Variants in TULP4 observed in about 807,000 individuals in gnomAD.
TULP4 encodes the protein TUB like protein 4, also known as tubby-related protein 4.
TULP4 carries 16 observed loss-of-function variants against 129.0 expected under a neutral mutation model. The observed-to-expected ratio is 0.12, with a 90% CI of 0.08 to 0.19. The LOEUF is 0.19. Ranked by LOEUF, TULP4 falls within the 10% of genes least tolerant of loss-of-function variation. The pLI, the probability that TULP4 is intolerant of heterozygous loss-of-function variation, is 1.00. For synonymous variants in TULP4, 998 were observed against 854.0 expected, an observed-to-expected ratio of 1.17 and a Z score of -2.94; for missense variants, 1,842 against 2,059.1, an observed-to-expected ratio of 0.89 and a Z score of 2.04.
chr6:158,379,575 G>A (rs956869223), intron 1 of TULP4, among the ~76,000 whole-genome samples: 1 of 152,204 alleles, frequency 6.6e-6, no homozygotes, highest in Non-Finnish European at 1.5e-5. Context: ...GTTTAGCCTT[G>A]TGGTTGATCT....
intron 9 of TULP4, among the ~76,000 whole-genome samples, chr6:158,491,397 C>A (rs1780195591): frequency 4.3e-5 from 1 of 23,038 alleles, no homozygotes; most frequent in African/African-American, 1.8e-4. Flanking sequence ...AGAGTTCTTT[C>A]TTTCTTTCTT....
At chr6:158,370,675 A>G (rs780899300) in intron 1 of TULP4, among the ~76,000 whole-genome samples, 27 of 152,302 alleles carry the variant, frequency 1.8e-4, no homozygotes, top group Non-Finnish European at 2.8e-4. Flanking sequence ...TATGAACTGC[A>G]TATGGAAGAT....
chr6:158,416,363 G>GT (rs1778207934), intron 2 of TULP4, among the ~76,000 whole-genome samples: 1 of 152,188 alleles, frequency 6.6e-6, no homozygotes, highest in Non-Finnish European at 1.5e-5. Context: ...GTGGGACAAG[G>GT]TGTGGAGGCA....
intron 6 of TULP4, among the ~76,000 whole-genome samples, chr6:158,463,098 T>A (rs945803465): frequency 6.6e-6 from 1 of 152,162 alleles, no homozygotes. Context: ...AAAATAACCA[T>A]CTCGAAATTA....
intron 1 of TULP4, among the ~76,000 whole-genome samples, chr6:158,383,209 G>T (rs975987059): frequency 6.6e-6 from 1 of 152,156 alleles, no homozygotes; most frequent in Non-Finnish European, 1.5e-5. Context: ...TCAGACTGGG[G>T]TGCTTCTCAC....
chr6:158,395,630 C>T (rs1253689335), intron 1 of TULP4, among the ~76,000 whole-genome samples: 1 of 119,682 alleles, frequency 8.4e-6, no homozygotes, highest in African/African-American at 3.3e-5. Flanking sequence ...AGTCATAGTC[C>T]TCCATGTAGC....
chr6:158,353,124 G>T (rs1396416609), intron 1 of TULP4, among the ~76,000 whole-genome samples: 2 of 152,202 alleles, frequency 1.3e-5, no homozygotes, highest in Non-Finnish European at 1.5e-5. Context: ...TATGTAGCAT[G>T]GCTGTCCCCA....
intron 1 of TULP4, among the ~76,000 whole-genome samples, chr6:158,245,578 G>A (rs9364876): frequency 0.15 from 23,158 of 152,042 alleles, 2,455 homozygotes; most frequent in East Asian, 0.43. Flanking sequence ...TACCCAGAAA[G>A]TCCACATTTA....
chr6:158,267,445 A>C (rs541894456), intron 1 of TULP4, among the ~76,000 whole-genome samples: 1 of 152,306 alleles, frequency 6.6e-6, no homozygotes, highest in Non-Finnish European at 1.5e-5. Flanking sequence ...GAGTAACCAA[A>C]GGAGGTTGTC....
At chr6:158,236,790 C>CTTTTTTTTTTTTTTTTTTTTT (rs1562489169) in intron 1 of TULP4, among the ~76,000 whole-genome samples, 3 of 33,116 alleles carry the variant, frequency 9.1e-5, no homozygotes. Context: ...ATGCCCAATT[C>CTTTTTTTTTTTTTTTTTTTTT]TTTTCTTTTT....
chr6:158,338,134 CTT>C (rs1328126064), intron 1 of TULP4, among the ~76,000 whole-genome samples: 1 of 152,100 alleles, frequency 6.6e-6, no homozygotes, highest in East Asian at 1.9e-4. Flanking sequence ...ACAAGTCACA[CTT>C]TATGTATTTA....
At chr6:158,457,734 T>C (rs1266210860) in intron 5 of TULP4, among the ~76,000 whole-genome samples, 1 of 152,198 alleles carries the variant, frequency 6.6e-6, no homozygotes, top group Non-Finnish European at 1.5e-5. Flanking sequence ...TTTTTTGTTT[T>C]GCAGAATTTT....
At chr6:158,339,723 C>T (rs1160507148) in intron 1 of TULP4, among the ~76,000 whole-genome samples, 1 of 152,186 alleles carries the variant, frequency 6.6e-6, no homozygotes, top group African/African-American at 2.4e-5. Context: ...TTAAGGTTAT[C>T]TCCCTTGTTC....
At chr6:158,371,335 C>T (rs1338134189) in intron 1 of TULP4, among the ~76,000 whole-genome samples, 3 of 152,190 alleles carry the variant, frequency 2.0e-5, no homozygotes, top group African/African-American at 7.2e-5. Context: ...CTGGCTTGAG[C>T]CACAGCTGAA....
intron 1 of TULP4, among the ~76,000 whole-genome samples, chr6:158,407,061 TTGAA>T (rs1273698118): frequency 2.6e-5 from 4 of 152,354 alleles, no homozygotes; most frequent in Admixed American, 1.3e-4. Flanking sequence ...TGAATTGTGT[TTGAA>T]TGAGAACTGG....
chr6:158,335,063 G>A (rs1780001197), intron 1 of TULP4, among the ~76,000 whole-genome samples: 1 of 152,124 alleles, frequency 6.6e-6, no homozygotes, highest in Non-Finnish European at 1.5e-5. Context: ...GGATCACAAG[G>A]TCAGGAGTTC....
chr6:158,298,827 TCTG>T (rs1779084082), intron 1 of TULP4, among the ~76,000 whole-genome samples: 1 of 152,156 alleles, frequency 6.6e-6, no homozygotes, highest in African/African-American at 2.4e-5. Flanking sequence ...TGCCCAATGT[TCTG>T]CGCCACAAAG....
At chr6:158,343,507 G>A (rs76841541) in intron 1 of TULP4, among the ~76,000 whole-genome samples, 5,253 of 152,186 alleles carry the variant, frequency 0.035, 105 homozygotes, top group Non-Finnish European at 0.041. Flanking sequence ...GGGTCATGAG[G>A]ATGGAGCCAT....
intron 1 of TULP4, among the ~76,000 whole-genome samples, chr6:158,271,721 C>T (rs571239884): frequency 3.9e-5 from 6 of 152,302 alleles, no homozygotes; most frequent in South Asian, 4.1e-4. Context: ...TGAGCCACCA[C>T]GCCTGGCCCC....
Sources: allele counts gnomAD v4.1 joint callset (sites outside exome capture counted in the v4.1 genomes callset), GRCh38; gene constraint gnomAD v4.1.1; transcripts MANE v1.5; gene names NCBI Gene and HGNC (gene_info 2026-07-23, HGNC 2026-07-21).